The following CNTN4 variants were observed in gnomAD, a reference collection of about 807,000 sequenced individuals.
CNTN4 encodes the protein contactin 4.
Under a neutral mutation model 122.5 loss-of-function variants are expected in CNTN4, and 77 were observed. The observed-to-expected ratio is 0.63, with a 90% CI of 0.52 to 0.76. The LOEUF (loss-of-function observed/expected upper bound fraction) is 0.76. CNTN4 is among the 30% of genes least tolerant of loss of function. The pLI is 0.00. For missense variants in CNTN4, 1,256 were observed against 1,259.1 expected (o/e 1.00, Z 0.04); for synonymous variants, 512 against 447.0 (o/e 1.15, Z -1.83).
intron 4 of CNTN4, among the ~76,000 whole-genome samples, chr3:2,591,991 C>CTGAG (rs2080518012): frequency 1.3e-5 from 2 of 152,106 alleles, no homozygotes; most frequent in Admixed American, 1.3e-4. Context: ...CATCCCCCTC[C>CTGAG]CTCAGCCTCC....
At chr3:2,441,342 G>C (rs1300034553) in intron 3 of CNTN4, among the ~76,000 whole-genome samples, 1 of 152,154 alleles carries the variant, frequency 6.6e-6, no homozygotes, top group Non-Finnish European at 1.5e-5. Flanking sequence ...TGAAGGACAG[G>C]TATCTTATTT....
At chr3:2,151,345 G>A (rs1029224285) in intron 2 of CNTN4, among the ~76,000 whole-genome samples, 8 of 152,208 alleles carry the variant, frequency 5.3e-5, no homozygotes, top group Non-Finnish European at 1.0e-4. Context: ...ACAGAGATTT[G>A]AATGCTGACA....
chr3:2,530,067 T>A (rs2077540168), intron 3 of CNTN4, among the ~76,000 whole-genome samples: 1 of 152,132 alleles, frequency 6.6e-6, no homozygotes, highest in Non-Finnish European at 1.5e-5. Context: ...AGTGGAATCA[T>A]TACCTTCTGC....
intron 4 of CNTN4, among the ~76,000 whole-genome samples, chr3:2,714,727 G>A (rs2087378704): frequency 6.6e-6 from 1 of 152,060 alleles, no homozygotes; most frequent in Non-Finnish European, 1.5e-5. Flanking sequence ...AAATGTCGTC[G>A]TTTATTTATG....
At chr3:2,581,075 A>G (rs73805339) in intron 4 of CNTN4, among the ~76,000 whole-genome samples, 3,013 of 152,280 alleles carry the variant, frequency 0.02, 96 homozygotes, top group African/African-American at 0.068. Flanking sequence ...CAGCAGCATC[A>G]TTGTCATCTG....
At chr3:2,731,246 A>T (rs956467284) in intron 4 of CNTN4, among the ~76,000 whole-genome samples, 2 of 151,942 alleles carry the variant, frequency 1.3e-5, no homozygotes, top group Admixed American at 6.6e-5. Flanking sequence ...TAATCCAAAG[A>T]TTTCCCACTC....
At chr3:2,890,924 A>G (rs1245485005) in intron 10 of CNTN4, among the ~76,000 whole-genome samples, 1 of 152,190 alleles carries the variant, frequency 6.6e-6, no homozygotes. Context: ...TCAGTGGTAA[A>G]ATGCTATGGA....
rs115568551 is a variant in CNTN4, at chr3:2,690,855, C to T, written c.56-45360C>T. On this transcript the variant is annotated intron_variant, in intron 4 of 24. Transcript: ENST00000418658. ...GCCACACTCATTCCTTTGCATATTG[C>T]CTAAGGCAACTTTCATGCTATAGGT... 3.6e-3 allele frequency among the ~76,000 whole-genome samples: 550 copies of T among 152,288 alleles called. 3 individuals are homozygous for T. The highest frequency in any genetic ancestry group is 6.8e-3 in the Middle Eastern group (2 of 294).
intron 3 of CNTN4, among the ~76,000 whole-genome samples, chr3:2,412,931 T>C (rs77546046): frequency 0.01 from 1,541 of 152,340 alleles, 29 homozygotes; most frequent in African/African-American, 0.035. Context: ...CATAGAATTG[T>C]TTTGGTGATT....
chr3:2,126,671 A>G (rs1437180906), intron 2 of CNTN4, among the ~76,000 whole-genome samples: 1 of 152,190 alleles, frequency 6.6e-6, no homozygotes, highest in Non-Finnish European at 1.5e-5. Flanking sequence ...AGTGCTATGT[A>G]TGGCAAAGTT....
chr3:2,917,685 T>C lies in CNTN4; in HGVS notation c.1208-7944T>C, dbSNP rs186448358. ...TCAATTAAATTGAGTTTATTTGAGG[T>C]GCCACAGATCTGTAATCTGCTTTCT... On this transcript the variant is annotated intron_variant, in intron 12 of 24. Transcript: ENST00000418658. Among the ~76,000 whole-genome samples the C allele has an allele frequency of 5.0e-3, 762 of 152,340 alleles. 4 individuals carry two copies. Among genetic ancestry groups the C allele is most frequent in the Non-Finnish European group, 8.3e-3 (564 of 68,032 alleles).
chr3:2,775,176 A>G (rs1435234028), intron 6 of CNTN4, among the ~76,000 whole-genome samples: 1 of 152,214 alleles, frequency 6.6e-6, no homozygotes, highest in East Asian at 1.9e-4. Context: ...TTAAATGTTC[A>G]CATGGACTCT....
chr3:2,169,541 G>C (rs1012838049), intron 2 of CNTN4, among the ~76,000 whole-genome samples: 1 of 121,300 alleles, frequency 8.2e-6, no homozygotes, highest in Non-Finnish European at 1.8e-5. Flanking sequence ...CGAGTAGCTG[G>C]GACTACAGGC....
intron 3 of CNTN4, among the ~76,000 whole-genome samples, chr3:2,457,776 T>C (rs9872608): frequency 0.68 from 104,073 of 151,988 alleles, 35,879 homozygotes; most frequent in East Asian, 0.79. Flanking sequence ...CCTGTGTAAT[T>C]CATTAAGCAT....
chr3:2,792,530 G>A (rs1470416108), intron 6 of CNTN4, among the ~76,000 whole-genome samples: 1 of 152,224 alleles, frequency 6.6e-6, no homozygotes, highest in Non-Finnish European at 1.5e-5. Flanking sequence ...AATTCTGGCT[G>A]TGAGCTTCCT....
chr3:2,192,379 T>C (rs974903503), intron 2 of CNTN4, among the ~76,000 whole-genome samples: 2 of 152,102 alleles, frequency 1.3e-5, no homozygotes, highest in Admixed American at 6.6e-5. Context: ...CTCCACATCC[T>C]CTCCAGCACC....
chr3:2,694,731 A>AG (rs1559395938), intron 4 of CNTN4, among the ~76,000 whole-genome samples: 15 of 150,346 alleles, frequency 1.0e-4, no homozygotes, highest in Admixed American at 4.6e-4. Flanking sequence ...CCTGTCTCAA[A>AG]AAAAGAAAGA....
intron 3 of CNTN4, among the ~76,000 whole-genome samples, chr3:2,440,926 A>G (rs1351069819): frequency 1.3e-5 from 2 of 148,712 alleles, no homozygotes; most frequent in Non-Finnish European, 3.0e-5. Context: ...ACATATATAA[A>G]AAGATTATAT....
At chr3:2,457,048 T>C (rs778408977) in intron 3 of CNTN4, among the ~76,000 whole-genome samples, 10 of 152,088 alleles carry the variant, frequency 6.6e-5, no homozygotes, top group Non-Finnish European at 1.3e-4. Context: ...TGGGTCACGC[T>C]GAGATTAAAC....
Sources: gnomAD v4.1 joint callset for allele counts (sites outside exome capture counted in the v4.1 genomes callset) on GRCh38, gnomAD v4.1.1 for gene constraint, MANE v1.5 for transcripts, NCBI Gene and HGNC (gene_info 2026-07-23, HGNC 2026-07-21) for gene names.